CDYL2: variants seen among roughly 807,000 people sequenced by gnomAD.
The protein encoded by CDYL2 is chromodomain Y like 2.
In CDYL2, 23 loss-of-function variants were observed where a neutral mutation model predicts 49.4. The observed-to-expected ratio is 0.47, with a 90% CI of 0.34 to 0.66. The LOEUF (loss-of-function observed/expected upper bound fraction) is 0.66. Ranked by LOEUF, CDYL2 falls within the 30% of genes least tolerant of loss-of-function variation. The pLI, the probability that CDYL2 is intolerant of heterozygous loss-of-function variation, is 0.01. For synonymous variants in CDYL2, 360 were observed against 268.8 expected, an observed-to-expected ratio of 1.34 and a Z score of -3.32; for missense variants, 678 against 656.4, an observed-to-expected ratio of 1.03 and a Z score of -0.36.
At position 80,803,956 on chromosome 16, in the gene CDYL2, AGGCGGCG is replaced by A. The variant is rs890282133; in HGVS notation, c.24+187_24+193del. ...AGGGAGCGGGCGCGGGCGCCGCGGG[AGGCGGCG>A]GGCGGCGGGCGGCGGGCGGGAGGCG... On this transcript the variant is annotated intron_variant, in intron 1 of 6. Coordinates refer to ENST00000570137, the MANE Select transcript of CDYL2 (RefSeq NM_152342.4). 1.7e-4 allele frequency among the ~76,000 whole-genome samples: 23 copies of A among 137,318 alleles called. No homozygotes were observed. In the South Asian group the frequency reaches 1.9e-3, roughly 11 times the overall value. The allele number at this position is 137,318 out of a possible 152,430, so 90.1% of individuals were successfully genotyped here. A position where few individuals can be genotyped will look rare whatever the true frequency, so the allele number is the denominator to read the frequency against.
chr16:80,614,877 A>G (rs1437431815), intron 4 of CDYL2, among the ~76,000 whole-genome samples: 8 of 151,794 alleles, frequency 5.3e-5, no homozygotes, highest in African/African-American at 1.9e-4. Context: ...GAGAAAAAAA[A>G]AAAAAAAAAA....
At chr16:80,748,914 A>G (rs1906032713) in intron 1 of CDYL2, among the ~76,000 whole-genome samples, 1 of 152,192 alleles carries the variant, frequency 6.6e-6, no homozygotes, top group African/African-American at 2.4e-5. Context: ...AAAAAAGAAA[A>G]GTCATAGAAG....
chr16:80,648,209 G>A (rs956794140), intron 2 of CDYL2, among the ~76,000 whole-genome samples: 9 of 151,928 alleles, frequency 5.9e-5, no homozygotes, highest in African/African-American at 1.9e-4. Context: ...AAAGATGAAT[G>A]AATCAAAAAG....
chr16:80,683,620 C>T (rs548900818), intron 2 of CDYL2, among the ~76,000 whole-genome samples: 19 of 152,328 alleles, frequency 1.2e-4, no homozygotes, highest in Non-Finnish European at 2.5e-4. Flanking sequence ...ACAGTCTGAA[C>T]ATTTATGTTC....
chr16:80,684,602 A>C lies in CDYL2; in HGVS notation c.552T>G (p.His184Gln). The C allele has an allele frequency of 6.2e-7, 1 of 1,614,208 alleles. No homozygotes were observed. The highest frequency in any genetic ancestry group is 8.5e-7 in the Non-Finnish European group (1 of 1,180,036). Residue 184 changes from histidine (H) to glutamine (Q), a missense_variant, in exon 2 of 7, where the codon CAT becomes CAG. By Grantham distance (24) the His-to-Gln change is conservative (BLOSUM62 0). This residue lies in a region of CDYL2 where 478 missense variants were observed against 427.0 expected (regional missense o/e 1.12). Coordinates refer to ENST00000570137, the MANE Select transcript of CDYL2 (RefSeq NM_152342.4). ...ATTCACCCATATCTTGCTCTCCAAC[A>C]TGATCATTCAAATCCAAGCCAGGCT... Reference protein sequence around the residue: ...SHQPGLDLNDHVGEQDMGECD... With the variant: ...SHQPGLDLNDQVGEQDMGECD...
chr16:80,700,996 G>A (rs570129517), intron 1 of CDYL2, among the ~76,000 whole-genome samples: 82 of 152,330 alleles, frequency 5.4e-4, no homozygotes, highest in African/African-American at 1.8e-3. Context: ...TCGGCGGGCA[G>A]AAGATCCCAC....
At chr16:80,666,405 C>G (rs866500742) in intron 2 of CDYL2, among the ~76,000 whole-genome samples, 2 of 152,192 alleles carry the variant, frequency 1.3e-5, no homozygotes, top group Middle Eastern at 3.2e-3. Context: ...TCTCTCATAG[C>G]AAAGAACTGC....
intron 2 of CDYL2, among the ~76,000 whole-genome samples, chr16:80,643,488 G>C (rs543741311): frequency 6.6e-6 from 1 of 152,344 alleles, no homozygotes; most frequent in South Asian, 2.1e-4. Context: ...ACTCTGTGTG[G>C]GGGCGGTGAG....
chr16:80,784,993 A>G (rs935870941), intron 1 of CDYL2, among the ~76,000 whole-genome samples: 1 of 152,182 alleles, frequency 6.6e-6, no homozygotes, highest in African/African-American at 2.4e-5. Context: ...AGAGTCAGTA[A>G]GTTTGGTACA....
At chr16:80,675,552 G>A (rs1909709566) in intron 2 of CDYL2, among the ~76,000 whole-genome samples, 1 of 152,286 alleles carries the variant, frequency 6.6e-6, no homozygotes, top group Admixed American at 6.5e-5. Flanking sequence ...GCTGCTTTGT[G>A]TGAGGAGTCA....
rs111619146 is a variant in CDYL2, at chr16:80,641,371, C to G, written c.617-8135G>C. Among the ~76,000 whole-genome samples the G allele has an allele frequency of 8.8e-3, 1,333 of 152,148 alleles. 15 individuals are homozygous for G. Among genetic ancestry groups the G allele is most frequent in the African/African-American group, 0.031 (1,275 of 41,512 alleles). On this transcript the variant is annotated intron_variant, in intron 2 of 6. Coordinates refer to ENST00000570137, the MANE Select transcript of CDYL2 (RefSeq NM_152342.4). ...AAAACAAAACAAAAAAACTTTTACCCTAGTATAGTATATCTGGTGAAAATC... is the reference window on the plus strand; with the variant it reads ...AAAACAAAACAAAAAAACTTTTACCGTAGTATAGTATATCTGGTGAAAATC...
intron 2 of CDYL2, among the ~76,000 whole-genome samples, chr16:80,674,349 G>T (rs972048151): frequency 6.6e-6 from 1 of 152,116 alleles, no homozygotes; most frequent in South Asian, 2.1e-4. Context: ...CATTTAGAAG[G>T]CTCCCTTGCA....
At chr16:80,604,778 C>G (rs543272233) in intron 6 of CDYL2, among the ~76,000 whole-genome samples, 1 of 152,312 alleles carries the variant, frequency 6.6e-6, no homozygotes, top group Admixed American at 6.5e-5. Context: ...GGGCCCATGT[C>G]ACCCCAGACC....
At chr16:80,793,679 A>G (rs1308462225) in intron 1 of CDYL2, among the ~76,000 whole-genome samples, 2 of 152,350 alleles carry the variant, frequency 1.3e-5, no homozygotes, top group Admixed American at 6.5e-5. Context: ...AGCAGAACAC[A>G]GTGGAGCTCA....
intron 1 of CDYL2, among the ~76,000 whole-genome samples, chr16:80,758,617 A>G (rs1462175196): frequency 7.1e-6 from 1 of 140,156 alleles, no homozygotes; most frequent in Admixed American, 8.0e-5. Flanking sequence ...ATCTCCGCTC[A>G]CTGCAAGCTC....
intron 1 of CDYL2, among the ~76,000 whole-genome samples, chr16:80,692,781 G>A (rs1241574213): frequency 2.6e-5 from 4 of 152,196 alleles, no homozygotes; most frequent in Non-Finnish European, 5.9e-5. Context: ...AAACTTAACT[G>A]AATGATGTCT....
rs183936483 is a variant in CDYL2 at position 80,709,794 on chromosome 16, C to G, written c.25-24665G>C. On this transcript the variant is annotated intron_variant, in intron 1 of 6. Coordinates refer to ENST00000570137, the MANE Select transcript of CDYL2 (RefSeq NM_152342.4). ...ATTGTAGGAATTATAGATTTCTTAA[C>G]CATCTTGCATGTGCAAAACTGTACT... 2.0e-5 allele frequency among the ~76,000 whole-genome samples: 3 copies of G among 152,304 alleles called. No homozygotes were observed. The East Asian group carries it at 5.8e-4, about 29-fold the overall frequency.
At chr16:80,773,390 T>C (rs1272494331) in intron 1 of CDYL2, among the ~76,000 whole-genome samples, 1 of 152,148 alleles carries the variant, frequency 6.6e-6, no homozygotes, top group Non-Finnish European at 1.5e-5. Flanking sequence ...CAGAGATTTT[T>C]CACACATGCC....
At chr16:80,775,456 G>A (rs1234671299) in intron 1 of CDYL2, among the ~76,000 whole-genome samples, 1 of 151,792 alleles carries the variant, frequency 6.6e-6, no homozygotes, top group Non-Finnish European at 1.5e-5. Flanking sequence ...TTCAAGGGGG[G>A]TGGGTTGTAA....
Sources: gnomAD v4.1 joint callset for allele counts (sites outside exome capture counted in the v4.1 genomes callset) on GRCh38, gnomAD v4.1.1 for gene constraint, gnomAD v4.1.1 regional missense constraint, MANE v1.5 for transcripts, NCBI Gene and HGNC (gene_info 2026-07-23, HGNC 2026-07-21) for gene names.